NCAM1: variants seen among roughly 807,000 people sequenced by gnomAD.
NCAM1 encodes the protein neural cell adhesion molecule 1, also known as antigen recognized by monoclonal antibody 5.1H11.
In NCAM1, 14 loss-of-function variants were observed where a neutral mutation model predicts 109.8. That is an observed-to-expected ratio of 0.13 (90% CI 0.08 to 0.20). The LOEUF (loss-of-function observed/expected upper bound fraction) is 0.20. NCAM1 is among the 10% of genes least tolerant of loss of function. The probability of loss-of-function intolerance (pLI) is 1.00; values close to 1 mark genes in which losing one functional copy is unlikely to be tolerated. For synonymous variants in NCAM1, 418 were observed against 442.9 expected (o/e 0.94, Z 0.70); for missense variants, 774 against 1,109.9 (o/e 0.70, Z 4.30).
intron 1 of NCAM1, among the ~76,000 whole-genome samples, chr11:113,048,241 G>A (rs1411991447): frequency 6.6e-6 from 1 of 152,180 alleles, no homozygotes; most frequent in African/African-American, 2.4e-5. Context: ...TCTGTTCCAA[G>A]AATGTTGTTT....
chr11:112,965,445 A>G (rs1295383419), intron 1 of NCAM1, among the ~76,000 whole-genome samples: 1 of 152,192 alleles, frequency 6.6e-6, no homozygotes, highest in Non-Finnish European at 1.5e-5. Context: ...ATGTAATTTA[A>G]TGGAAGTAAC....
At chr11:113,039,549 A>G (rs1282700315) in intron 1 of NCAM1, among the ~76,000 whole-genome samples, 3 of 152,236 alleles carry the variant, frequency 2.0e-5, no homozygotes, top group African/African-American at 4.8e-5. Context: ...AAAGCAGACC[A>G]ATTACCAATC....
At chr11:113,119,239 C>T (rs2136017463) in intron 1 of NCAM1, among the ~76,000 whole-genome samples, 1 of 152,252 alleles carries the variant, frequency 6.6e-6, no homozygotes, top group East Asian at 1.9e-4. Context: ...TGAGTCATCA[C>T]AGTTTAGAGC....
chr11:113,180,288 A>C (rs553709033), intron 1 of NCAM1, among the ~76,000 whole-genome samples: 1 of 152,310 alleles, frequency 6.6e-6, no homozygotes, highest in South Asian at 2.1e-4. Context: ...TGCTTATTGG[A>C]TATGGACTAC....
intron 1 of NCAM1, among the ~76,000 whole-genome samples, chr11:113,166,004 C>CTT (rs111542009): frequency 4.6e-4 from 70 of 151,138 alleles, no homozygotes; most frequent in African/African-American, 1.6e-3. Flanking sequence ...TTTATTTTTA[C>CTT]TTATTTTTAG....
intron 1 of NCAM1, among the ~76,000 whole-genome samples, chr11:113,084,144 C>T (rs1475085488): frequency 6.6e-6 from 1 of 152,160 alleles, no homozygotes; most frequent in Admixed American, 6.5e-5. Flanking sequence ...TTGCTTTCAT[C>T]ATCAAGGCCC....
intron 14 of NCAM1, among the ~76,000 whole-genome samples, chr11:113,235,730 A>C (rs1039961013): frequency 4.7e-4 from 71 of 152,280 alleles, no homozygotes; most frequent in African/African-American, 1.6e-3. Flanking sequence ...CCATAGCAAG[A>C]GCATTCCTCA....
chr11:113,251,833 T>A (rs1945688393), intron 15 of NCAM1, among the ~76,000 whole-genome samples: 1 of 152,308 alleles, frequency 6.6e-6, no homozygotes, highest in East Asian at 1.9e-4. Flanking sequence ...CTCTCAGGCA[T>A]TTCTTCTGCT....
intron 1 of NCAM1, among the ~76,000 whole-genome samples, chr11:113,194,608 C>T (rs917148777): frequency 6.6e-6 from 1 of 152,196 alleles, no homozygotes; most frequent in Non-Finnish European, 1.5e-5. Flanking sequence ...GTCTTTATAC[C>T]AGGAAGCTCC....
At chr11:113,066,419 A>G (rs1937960242) in intron 1 of NCAM1, among the ~76,000 whole-genome samples, 2 of 152,266 alleles carry the variant, frequency 1.3e-5, no homozygotes, top group African/African-American at 2.4e-5. Context: ...AGGTTAATTT[A>G]TCTCTATTGC....
At chr11:113,262,306 G>A (rs782529604) in intron 17 of NCAM1, among the ~76,000 whole-genome samples, 1 of 152,226 alleles carries the variant, frequency 6.6e-6, no homozygotes, top group East Asian at 1.9e-4. Context: ...ACAGTGTGCT[G>A]ACTCATAGTG....
At chr11:113,210,628 G>A (rs759755554) in intron 7 of NCAM1, among the ~76,000 whole-genome samples, 21 of 152,060 alleles carry the variant, frequency 1.4e-4, no homozygotes, top group South Asian at 2.1e-4. Flanking sequence ...TGGCTGCCCC[G>A]GAGTAGTGAG....
intron 14 of NCAM1, 192 bp from the exon 15 acceptor site, chr11:113,246,176 C>T (rs887944132): frequency 3.6e-6 from 2 of 555,604 alleles, no homozygotes; most frequent in African/African-American, 3.7e-5. Context: ...TTTGATTTCT[C>T]CTTTTATTTA....
chr11:113,187,971 G>A (rs1555109170), intron 1 of NCAM1, among the ~76,000 whole-genome samples: 1 of 152,212 alleles, frequency 6.6e-6, no homozygotes, highest in Admixed American at 6.5e-5. Context: ...AGCTTGCCTT[G>A]TTATAAAATA....
chr11:113,205,493 T>C (rs1944209820), intron 3 of NCAM1, 30 bp from the exon 4 acceptor site: 1 of 1,594,570 alleles, frequency 6.3e-7, no homozygotes, highest in African/African-American at 1.3e-5. Context: ...GAAGCAGCTG[T>C]TTTCCCTCAC....
intron 8 of NCAM1, among the ~76,000 whole-genome samples, chr11:113,215,494 G>A (rs556969812): frequency 8.5e-5 from 13 of 152,176 alleles, no homozygotes; most frequent in African/African-American, 3.1e-4. Flanking sequence ...CTGCCTAAAG[G>A]AAATCTCTAG....
intron 1 of NCAM1, among the ~76,000 whole-genome samples, chr11:113,122,780 G>A (rs931930331): frequency 7.9e-5 from 12 of 152,002 alleles, no homozygotes; most frequent in Admixed American, 3.3e-4. Flanking sequence ...GCGAAACTCC[G>A]TCTCAAAAAA....
intron 1 of NCAM1, among the ~76,000 whole-genome samples, chr11:113,166,264 A>G (rs1197563761): frequency 6.6e-6 from 1 of 152,192 alleles, no homozygotes. Context: ...GATCTCAACC[A>G]TGGTCCTAGC....
rs781931393 is a variant in NCAM1, at chr11:113,214,517, A to G, written c.1059+6A>G. 2 of 1,599,710 alleles carry G rather than the reference A, an allele frequency of 1.3e-6. No individual in the cohort carries two copies. The highest frequency in any genetic ancestry group is 1.7e-6 in the Non-Finnish European group (2 of 1,172,834). On this transcript the variant is annotated splice_donor_region_variant and intron_variant, in intron 8 of 19. Coordinates refer to ENST00000316851, the MANE Select transcript of NCAM1 (RefSeq NM_181351.5). Reference sequence around the variant, plus strand: ...ACATCAGCAGCGAAGAAAAGGTATCATGCTCCCCAGGAGTTTCAGGGCCTT... The same window carrying G: ...ACATCAGCAGCGAAGAAAAGGTATCGTGCTCCCCAGGAGTTTCAGGGCCTT...
Sources: gnomAD v4.1 joint callset for allele counts (sites outside exome capture counted in the v4.1 genomes callset) on GRCh38, gnomAD v4.1.1 for gene constraint, MANE v1.5 for transcripts, NCBI Gene and HGNC (gene_info 2026-07-23, HGNC 2026-07-21) for gene names.